The following IRAG2 variants were observed in gnomAD, a reference collection of about 807,000 sequenced individuals.
IRAG2 encodes lymphoid restricted membrane protein.
In IRAG2, 45 loss-of-function variants were observed where a neutral mutation model predicts 69.9. The observed-to-expected ratio is 0.64, with a 90% confidence interval of 0.51 to 0.83. IRAG2 has a LOEUF of 0.83. IRAG2 is among the 40% of genes least tolerant of loss of function. The pLI, the probability that IRAG2 is intolerant of heterozygous loss-of-function variation, is 0.00. For missense variants in IRAG2, 520 were observed against 587.0 expected (o/e 0.89, Z 1.18); for synonymous variants, 193 against 202.4 (o/e 0.95, Z 0.40).
chr12:25,001,972 T>G (rs2139810102), upstream of IRAG2, among the ~76,000 whole-genome samples: 1 of 152,214 alleles, frequency 6.6e-6, no homozygotes, highest in South Asian at 2.1e-4. Flanking sequence ...GGTTTCATCA[T>G]GTTGGTCAGG....
At chr12:25,102,039 A>G (rs1389874233) in intron 16 of IRAG2, 159 bp from the exon 17 acceptor site, 1 of 703,316 alleles carries the variant, frequency 1.4e-6, no homozygotes, top group African/African-American at 1.8e-5. Context: ...ATTGTTATGA[A>G]GAATGAAATG....
intron 14 of IRAG2, chr12:25,090,788 G>T: frequency 2.2e-6 from 1 of 450,628 alleles, no homozygotes; most frequent in Non-Finnish European, 4.5e-6. Flanking sequence ...TGAGTCATCT[G>T]CCTTTTCTCT....
chr12:25,107,076 A>G (rs759186878), intron 21 of IRAG2, 26 bp downstream of exon 21: 26 of 1,335,398 alleles, frequency 1.9e-5, no homozygotes, highest in Admixed American at 8.9e-5. Context: ...GATAAATTCT[A>G]CCATTTTAGT....
intron 10 of IRAG2, among the ~76,000 whole-genome samples, chr12:25,083,900 A>C (rs1947388862): frequency 6.6e-6 from 1 of 152,382 alleles, no homozygotes; most frequent in South Asian, 2.1e-4. Context: ...GAAGAAACAG[A>C]TAATCACTGA....
chr12:25,052,478 C>T (rs1944906264), upstream of IRAG2: 3 of 396,536 alleles, frequency 7.6e-6, no homozygotes, highest in Non-Finnish European at 1.3e-5. Flanking sequence ...ACTGCAAGTT[C>T]AGTCCCTAGC....
intron 3 of IRAG2, among the ~76,000 whole-genome samples, chr12:25,013,927 T>G: frequency 7.7e-6 from 1 of 129,788 alleles, no homozygotes; most frequent in Non-Finnish European, 1.6e-5. Context: ...CAGGCTGGAG[T>G]GCAGTGGCGC....
At chr12:25,015,510 A>G (rs766702984) in intron 5 of IRAG2, 4 of 907,176 alleles carry the variant, frequency 4.4e-6, no homozygotes, top group Non-Finnish European at 5.8e-6. Context: ...TTTCAGTTAC[A>G]ATGAAGTCAC....
At chr12:25,063,698 T>C (rs1945784104) in intron 3 of IRAG2, 22 bp from the exon 4 acceptor site, 6 of 398,850 alleles carry the variant, frequency 1.5e-5, no homozygotes, top group Admixed American at 8.8e-5. Context: ...AGATGGCTAA[T>C]ACTACTTGGT....
chr12:25,033,837 T>C (rs564711868), intron 12 of IRAG2: 6 of 398,826 alleles, frequency 1.5e-5, no homozygotes, highest in Non-Finnish European at 2.7e-5. Flanking sequence ...ATTGTTTTTG[T>C]TTTTCTCAAG....
At chr12:25,009,843 C>T (rs1264067403) in intron 2 of IRAG2, among the ~76,000 whole-genome samples, 3 of 152,002 alleles carry the variant, frequency 2.0e-5, no homozygotes, top group Non-Finnish European at 2.9e-5. Context: ...GGAAGGAAGG[C>T]AGGCAGGAGA....
At chr12:25,062,386 T>A (rs1945690551) in intron 2 of IRAG2, among the ~76,000 whole-genome samples, 1 of 152,148 alleles carries the variant, frequency 6.6e-6, no homozygotes, top group African/African-American at 2.4e-5. Flanking sequence ...AACCTCCATA[T>A]CTAAAGATGC....
intron 6 of IRAG2, among the ~76,000 whole-genome samples, chr12:25,017,672 C>T (rs530947861): frequency 6.6e-6 from 1 of 151,606 alleles, no homozygotes; most frequent in East Asian, 1.9e-4. Context: ...AAGCCAAGAT[C>T]GTGCCACTGC....
intron 2 of IRAG2, among the ~76,000 whole-genome samples, chr12:25,007,399 T>C (rs1219929247): frequency 6.6e-6 from 1 of 152,224 alleles, no homozygotes; most frequent in East Asian, 1.9e-4. Flanking sequence ...CTTTTTTTCT[T>C]AAACAGTTTT....
intron 10 of IRAG2, among the ~76,000 whole-genome samples, chr12:25,084,174 G>T (rs997696580): frequency 6.6e-6 from 1 of 152,172 alleles, no homozygotes; most frequent in Non-Finnish European, 1.5e-5. Flanking sequence ...GATTGCTTGA[G>T]CCTAAGAGTT....
At chr12:25,069,282 T>C (rs1401673543) in intron 5 of IRAG2, 68 bp from the exon 6 acceptor site, 2 of 708,144 alleles carry the variant, frequency 2.8e-6, no homozygotes, top group Non-Finnish European at 5.0e-6. Context: ...AACCATGTTA[T>C]AGTTTAGTAT....
rs1335028287 is a variant in IRAG2, at chr12:25,090,091, G to A, written c.500G>A (p.Cys167Tyr). 1 of 1,614,088 alleles carries A rather than the reference G, an allele frequency of 6.2e-7. No individual in the cohort carries two copies. Among genetic ancestry groups the A allele is most frequent in the East Asian group, 2.2e-5 (1 of 44,894 alleles). The change falls in exon 14 of 22, where the codon TGT becomes TAT. Residue 167 changes from cysteine (C) to tyrosine (Y), a missense_variant. By Grantham distance (194) the Cys-to-Tyr change is radical (BLOSUM62 -2). Coordinates refer to ENST00000556887, the MANE Select transcript of IRAG2 (RefSeq NM_001366544.2). ...CTCAGATTATCTTTGGGATTTAAGT[G>A]TGACTGGTTTACCTTGGAGAAGAGA... ...EFLRLSLGFK[C>Y]DWFTLEKRVK...
At chr12:25,106,874 C>A in intron 20 of IRAG2, 69 bp from the exon 21 acceptor site, 2 of 625,934 alleles carry the variant, frequency 3.2e-6, no homozygotes, top group South Asian at 6.9e-5. Context: ...TAAGATTCAG[C>A]AATATTTTAT....
At chr12:25,092,503 A>G (rs1454334824) in intron 14 of IRAG2, among the ~76,000 whole-genome samples, 1 of 142,602 alleles carries the variant, frequency 7.0e-6, no homozygotes, top group Non-Finnish European at 1.5e-5. Context: ...AGGTGGAGGG[A>G]GCAGTGAGGC....
intron 6 of IRAG2, among the ~76,000 whole-genome samples, chr12:25,077,277 A>ATATATATGAAATATATATG (rs1565562885): frequency 4.6e-5 from 1 of 21,824 alleles, no homozygotes; most frequent in African/African-American, 1.5e-4. Flanking sequence ...ATATATATGA[A>ATATATATGAAATATATATG]ATATATATGA....
Sources: gnomAD v4.1 joint callset for allele counts (sites outside exome capture counted in the v4.1 genomes callset) on GRCh38, gnomAD v4.1.1 for gene constraint, MANE v1.5 for transcripts, NCBI Gene and HGNC (gene_info 2026-07-23, HGNC 2026-07-21) for gene names.